Variants in SYN3 observed in about 807,000 individuals in gnomAD.
SYN3 encodes synapsin-3.
SYN3 carries 35 observed loss-of-function variants against 65.8 expected under a neutral mutation model. That is an observed-to-expected ratio of 0.53 (90% CI 0.41 to 0.70). The LOEUF (loss-of-function observed/expected upper bound fraction) is 0.70. SYN3 is among the 30% of genes least tolerant of loss of function. The pLI is 0.00. For missense variants in SYN3, 680 were observed against 749.0 expected, an observed-to-expected ratio of 0.91 and a Z score of 1.08; for synonymous variants, 270 against 292.9, an observed-to-expected ratio of 0.92 and a Z score of 0.80.
At chr22:32,606,460 C>T (rs1360844286) in intron 6 of SYN3, among the ~76,000 whole-genome samples, 1 of 152,218 alleles carries the variant, frequency 6.6e-6, no homozygotes, top group African/African-American at 2.4e-5. Flanking sequence ...AGGAGGAGCA[C>T]AGACAAGATG....
chr22:32,736,550 A>G (rs2061338699), intron 6 of SYN3, among the ~76,000 whole-genome samples: 1 of 152,184 alleles, frequency 6.6e-6, no homozygotes, highest in Admixed American at 6.5e-5. Context: ...CTGGGTCCCC[A>G]CAATGATCTT....
intron 6 of SYN3, among the ~76,000 whole-genome samples, chr22:32,733,607 G>A (rs1200949985): frequency 1.3e-5 from 2 of 152,182 alleles, no homozygotes; most frequent in Admixed American, 6.5e-5. Flanking sequence ...CCTCCTTAAG[G>A]CAACAGCCTT....
chr22:32,534,571 A>G (rs1481655489), intron 9 of SYN3, among the ~76,000 whole-genome samples: 1 of 152,162 alleles, frequency 6.6e-6, no homozygotes, highest in Non-Finnish European at 1.5e-5. Flanking sequence ...GACAGATCTC[A>G]GCACTGGACT....
chr22:32,968,244 G>A (rs1428432072), intron 3 of SYN3, among the ~76,000 whole-genome samples: 1 of 152,142 alleles, frequency 6.6e-6, no homozygotes, highest in African/African-American at 2.4e-5. Flanking sequence ...ACACAGTGGC[G>A]AGGATGTACA....
chr22:32,904,116 T>C (rs5754331), intron 4 of SYN3, among the ~76,000 whole-genome samples: 20,482 of 152,292 alleles, frequency 0.13, 1,794 homozygotes, highest in East Asian at 0.29. Context: ...TAAATGAGAC[T>C]TGTTTAAAGT....
chr22:32,517,903 G>T, intron 13 of SYN3, 140 bp downstream of exon 13: 1 of 925,114 alleles, frequency 1.1e-6, no homozygotes, highest in African/African-American at 1.7e-5. Context: ...CTGTCCTCTA[G>T]TCCTGTTTTT....
At chr22:32,778,694 C>T (rs1036578284) in intron 6 of SYN3, among the ~76,000 whole-genome samples, 3 of 152,066 alleles carry the variant, frequency 2.0e-5, no homozygotes, top group Non-Finnish European at 4.4e-5. Flanking sequence ...AGCGGAATCC[C>T]TAGGACTTGC....
chr22:32,593,932 A>T (rs1451757064), intron 7 of SYN3, among the ~76,000 whole-genome samples: 1 of 152,112 alleles, frequency 6.6e-6, no homozygotes, highest in Non-Finnish European at 1.5e-5. Flanking sequence ...GCCAGGAGAG[A>T]AGCATGCACC....
At chr22:32,732,987 C>T (rs1012257345) in intron 6 of SYN3, among the ~76,000 whole-genome samples, 4 of 152,176 alleles carry the variant, frequency 2.6e-5, no homozygotes, top group Admixed American at 2.6e-4. Flanking sequence ...CAGGTCTTCA[C>T]AGCTGATAAG....
At chr22:32,825,033 G>A (rs1457012510) in intron 6 of SYN3, among the ~76,000 whole-genome samples, 5 of 152,150 alleles carry the variant, frequency 3.3e-5, no homozygotes, top group South Asian at 2.1e-4. Context: ...CTTTGAAATC[G>A]CAGGCTGGGT....
chr22:33,034,078 C>G (rs370990324), intron 1 of SYN3, among the ~76,000 whole-genome samples: 4 of 151,020 alleles, frequency 2.6e-5, no homozygotes, highest in African/African-American at 9.7e-5. Context: ...CCCAGCTACT[C>G]GGGAGGCTGA....
chr22:32,565,837 C>A (rs922746353), intron 7 of SYN3, among the ~76,000 whole-genome samples: 1 of 152,040 alleles, frequency 6.6e-6, no homozygotes, highest in Non-Finnish European at 1.5e-5. Flanking sequence ...TCAGCCCCCC[C>A]GAGTAGCTGC....
chr22:32,757,875 A>G (rs1213661496), intron 6 of SYN3, among the ~76,000 whole-genome samples: 1 of 152,180 alleles, frequency 6.6e-6, no homozygotes, highest in East Asian at 1.9e-4. Flanking sequence ...ACCAGGAAAA[A>G]AACCACGACC....
intron 6 of SYN3, among the ~76,000 whole-genome samples, chr22:32,734,385 C>T (rs1044772734): frequency 9.2e-5 from 14 of 152,224 alleles, no homozygotes; most frequent in African/African-American, 3.4e-4. Context: ...TTGTACACAT[C>T]CCCGGCTGCC....
chr22:32,848,132 A>T (rs1219226248), intron 6 of SYN3, among the ~76,000 whole-genome samples: 1 of 152,276 alleles, frequency 6.6e-6, no homozygotes, highest in African/African-American at 2.4e-5. Flanking sequence ...CACACAACGT[A>T]GAAAGAGAAG....
At chr22:32,834,410 G>T (rs776722064) in intron 6 of SYN3, among the ~76,000 whole-genome samples, 2 of 152,032 alleles carry the variant, frequency 1.3e-5, no homozygotes, top group Non-Finnish European at 2.9e-5. Flanking sequence ...TGATCAGCCT[G>T]CCTTGGCCTC....
intron 6 of SYN3, among the ~76,000 whole-genome samples, chr22:32,673,152 T>A (rs1177699496): frequency 6.6e-6 from 1 of 152,130 alleles, no homozygotes; most frequent in African/African-American, 2.4e-5. Context: ...ATGAAGTAGG[T>A]TTCTTGGGAT....
chr22:32,789,719 G>GT (rs1406861973), intron 6 of SYN3, among the ~76,000 whole-genome samples: 1 of 152,190 alleles, frequency 6.6e-6, no homozygotes, highest in African/African-American at 2.4e-5. Context: ...GACCTACTGG[G>GT]TATCAGTATT....
intron 6 of SYN3, among the ~76,000 whole-genome samples, chr22:32,788,603 A>G (rs1366300327): frequency 6.6e-6 from 1 of 152,176 alleles, no homozygotes; most frequent in Non-Finnish European, 1.5e-5. Context: ...TAGTATTTAC[A>G]TTGTATTAGA....
Sources: allele counts gnomAD v4.1 joint callset (sites outside exome capture counted in the v4.1 genomes callset), GRCh38; gene constraint gnomAD v4.1.1; transcripts MANE v1.5; gene names NCBI Gene and HGNC (gene_info 2026-07-23, HGNC 2026-07-21).